ASIC2: variants seen among roughly 807,000 people sequenced by gnomAD.
The protein encoded by ASIC2 is acid-sensing ion channel 2.
Under a neutral mutation model 57.3 loss-of-function variants are expected in ASIC2, and 25 were observed. That is an observed-to-expected ratio of 0.44 (90% CI 0.32 to 0.61). The LOEUF (loss-of-function observed/expected upper bound fraction) is 0.61. ASIC2 is among the 20% of genes least tolerant of loss of function. ASIC2 has a pLI of 0.06. For missense variants in ASIC2, 641 were observed against 738.1 expected, an observed-to-expected ratio of 0.87 and a Z score of 1.52; for synonymous variants, 319 against 307.5, an observed-to-expected ratio of 1.04 and a Z score of -0.39.
chr17:33,234,213 A>G (rs1342925149), intron 1 of ASIC2, among the ~76,000 whole-genome samples: 1 of 152,212 alleles, frequency 6.6e-6, no homozygotes, highest in Non-Finnish European at 1.5e-5. Flanking sequence ...CATGGATGTT[A>G]TATAACTACA....
chr17:33,377,521 G>A (rs186343491), intron 1 of ASIC2, among the ~76,000 whole-genome samples: 5 of 152,180 alleles, frequency 3.3e-5, no homozygotes, highest in South Asian at 2.1e-4. Flanking sequence ...TGACCCAATC[G>A]CATTCATCTT....
chr17:33,536,274 C>A (rs971073528), intron 1 of ASIC2, among the ~76,000 whole-genome samples: 1 of 152,166 alleles, frequency 6.6e-6, no homozygotes, highest in African/African-American at 2.4e-5. Flanking sequence ...CTTTCCTTTG[C>A]CCCCACATCC....
rs140700385 is a variant in ASIC2 at position 33,105,261 on chromosome 17, G to A, written c.859+6656C>T. 8.5e-4 allele frequency among the ~76,000 whole-genome samples: 130 copies of A among 152,320 alleles called. 1 individual carries two copies. The highest frequency in any genetic ancestry group is 3.1e-3 in the African/African-American group (128 of 41,578). On this transcript the variant is annotated intron_variant, in intron 2 of 9. Transcript: ENST00000225823. ...AGTGGGAGGCAACTGAATCATGGGG[G>A]TAGGTTTTACTGTGCTGTTGTTGTG...
intron 1 of ASIC2, among the ~76,000 whole-genome samples, chr17:34,111,990 T>C (rs1196475145): frequency 6.6e-6 from 1 of 152,292 alleles, no homozygotes; most frequent in East Asian, 1.9e-4. Context: ...TTAAAATGCA[T>C]AGCCATATGG....
chr17:33,028,692 T>A lies in ASIC2; in HGVS notation c.988-300A>T, dbSNP rs1389506590. ...GGCACCATCAAGCCCCACCCTAACTTATCTTTTATAATCTTCCCATAAATG... is the reference window on the plus strand; with the variant it reads ...GGCACCATCAAGCCCCACCCTAACTAATCTTTTATAATCTTCCCATAAATG... On this transcript the variant is annotated intron_variant, in intron 3 of 9. Transcript: ENST00000225823. 2.0e-5 allele frequency among the ~76,000 whole-genome samples: 3 copies of A among 152,088 alleles called. No individual in the cohort carries two copies. In the East Asian group the frequency reaches 5.8e-4, roughly 29 times the overall value.
At chr17:33,340,527 G>A (rs546356150) in intron 1 of ASIC2, among the ~76,000 whole-genome samples, 1 of 115,294 alleles carries the variant, frequency 8.7e-6, no homozygotes, top group Non-Finnish European at 2.1e-5. Flanking sequence ...AAGCCTTGAG[G>A]TTGGCTAACA....
Position 34,156,425 on chromosome 17 carries a change from C to A in ASIC2, c.108G>T (p.Gly36=), listed in dbSNP as rs200791905. 76 of 1,614,086 alleles carry A rather than the reference C, an allele frequency of 4.7e-5. No homozygotes were observed. The highest frequency in any genetic ancestry group is 8.3e-5 in the Admixed American group (5 of 60,010). ...ACAGCACACGCCGGATGGTCAGCGG[C>A]CCATACACGAAGATGTGGCGGATGC... The change falls in exon 1 of 10, where the codon GGG becomes GGT. Residue 36 remains glycine (G), a synonymous_variant. Coordinates refer to the ASIC2 transcript ENST00000359872. This position sits in a 1 kb window ranked among gnomAD's most constrained non-coding sequence, Gnocchi z 4.4.
chr17:33,376,958 G>C (rs1909300519), intron 1 of ASIC2, among the ~76,000 whole-genome samples: 1 of 152,172 alleles, frequency 6.6e-6, no homozygotes, highest in Non-Finnish European at 1.5e-5. Context: ...AAGAAATTAA[G>C]GATCAAAGAG....
At chr17:33,914,527 T>G (rs1915542775) in intron 1 of ASIC2, among the ~76,000 whole-genome samples, 1 of 152,156 alleles carries the variant, frequency 6.6e-6, no homozygotes, top group Non-Finnish European at 1.5e-5. Flanking sequence ...GTTTTACAAC[T>G]GCAGGAACAG....
chr17:33,861,262 C>T (rs193188005), intron 1 of ASIC2, among the ~76,000 whole-genome samples: 5 of 152,108 alleles, frequency 3.3e-5, no homozygotes, highest in African/African-American at 9.6e-5. Context: ...TTTCGAATAA[C>T]GTAGAAAATA....
intron 1 of ASIC2, among the ~76,000 whole-genome samples, chr17:33,685,538 G>A (rs1368959509): frequency 6.6e-6 from 1 of 152,206 alleles, no homozygotes; most frequent in Admixed American, 6.5e-5. Flanking sequence ...CAATCAAGGA[G>A]TGACTAGCTG....
rs112169670 is a variant in ASIC2, at chr17:33,041,424, T to G, written c.988-13032A>C. 4.5e-3 allele frequency among the ~76,000 whole-genome samples: 681 copies of G among 152,260 alleles called. 5 individuals are homozygous for G. The highest frequency in any genetic ancestry group is 0.015 in the African/African-American group (631 of 41,546). On this transcript the variant is annotated intron_variant, in intron 3 of 9. Transcript: ENST00000225823. ...TAATTGCCATCCTCCTCTCAGAACA[T>G]CCCCACATCTCTTCTTGCTCACTGG...
chr17:33,876,033 T>C (rs428575), intron 1 of ASIC2, among the ~76,000 whole-genome samples: 135,198 of 152,280 alleles, frequency 0.89, 60,205 homozygotes, highest in African/African-American at 0.96. Context: ...TAAAAATGGG[T>C]CTAAACGAGT....
intron 1 of ASIC2, among the ~76,000 whole-genome samples, chr17:33,426,608 G>A (rs768065008): frequency 4.6e-5 from 7 of 152,174 alleles, no homozygotes; most frequent in Non-Finnish European, 1.0e-4. Flanking sequence ...GGCTAGGCAG[G>A]TGTCCTGCTA....
At chr17:33,091,313 TG>T (rs2092156758) in intron 2 of ASIC2, among the ~76,000 whole-genome samples, 1 of 151,790 alleles carries the variant, frequency 6.6e-6, no homozygotes, top group Non-Finnish European at 1.5e-5. Flanking sequence ...CAGACTCAGA[TG>T]GGGAAGAAGG....
chr17:33,799,426 T>C (rs368404751), intron 1 of ASIC2, among the ~76,000 whole-genome samples: 113 of 63,552 alleles, frequency 1.8e-3, no homozygotes, highest in African/African-American at 2.2e-3. Flanking sequence ...TTTCTTTCTT[T>C]CTTCTTTCTT....
chr17:33,064,706 A>C (rs2092035906), intron 3 of ASIC2, among the ~76,000 whole-genome samples: 2 of 151,484 alleles, frequency 1.3e-5, no homozygotes, highest in South Asian at 4.2e-4. Context: ...GAGAACCACT[A>C]CTCTCTTCAA....
intron 8 of ASIC2, 21 bp from the exon 9 acceptor site, chr17:33,016,060 G>A (rs780233002): frequency 1.9e-6 from 3 of 1,613,154 alleles, no homozygotes; most frequent in Non-Finnish European, 2.5e-6. Context: ...AGCAGGAAGG[G>A]GTTGGTCAGG....
At chr17:33,621,599 C>T (rs1905802057) in intron 1 of ASIC2, among the ~76,000 whole-genome samples, 1 of 152,194 alleles carries the variant, frequency 6.6e-6, no homozygotes, top group Admixed American at 6.5e-5. Context: ...CAAGTTAACA[C>T]AGGTAGCACT....
Sources: allele counts gnomAD v4.1 joint callset (sites outside exome capture counted in the v4.1 genomes callset), GRCh38; gene constraint gnomAD v4.1.1; non-coding constraint Gnocchi (gnomAD v3.1); transcripts MANE v1.5; gene names NCBI Gene and HGNC (gene_info 2026-07-23, HGNC 2026-07-21).